GFRA1: variants seen among roughly 807,000 people sequenced by gnomAD.
The protein encoded by GFRA1 is GDNF family receptor alpha-1.
A neutral mutation model predicts 51.6 loss-of-function variants in GFRA1; 16 were observed. The ratio of observed to expected loss-of-function variants is 0.31; its 90% CI spans 0.21 to 0.47. The LOEUF is 0.47. Among genes scored for constraint, GFRA1 ranks in the 20% least tolerant of loss-of-function variants. The pLI, the probability that GFRA1 is intolerant of heterozygous loss-of-function variation, is 1.00. For synonymous variants in GFRA1, 270 were observed against 241.3 expected (o/e 1.12, Z -1.10); for missense variants, 530 against 594.3 (o/e 0.89, Z 1.13).
chr10:116,272,423 G>A lies in GFRA1; in HGVS notation c.-246-148C>T. The A allele has an allele frequency of 3.0e-6, 1 of 328,348 alleles. No homozygotes were observed. Among genetic ancestry groups the A allele is most frequent in the Non-Finnish European group, 5.8e-6 (1 of 172,286 alleles). 20.3% of individuals were successfully genotyped at this position (328,348 alleles called of 1,614,324 possible). ...CCCACCCAGGTCGGGGTGCATGTGC[G>A]TGTTTTCCAGGGGCCGCTGACACGG... is the stretch of plus-strand genomic sequence containing the variant. On this transcript the variant is annotated intron_variant, in intron 1 of 10. Coordinates refer to ENST00000355422, the MANE Select transcript of GFRA1 (RefSeq NM_005264.8). This position sits in a 1 kb window ranked among gnomAD's most constrained non-coding sequence, Gnocchi z 4.4.
intron 9 of GFRA1, among the ~76,000 whole-genome samples, chr10:116,070,759 CTTTTTTTTTTTTT>C (rs773344299): frequency 1.0e-5 from 1 of 97,750 alleles, no homozygotes; most frequent in Non-Finnish European, 2.0e-5. Context: ...AGTCTGGAGC[CTTTTTTTTTTTTT>C]TTTTTTTTTG....
intron 5 of GFRA1, among the ~76,000 whole-genome samples, chr10:116,168,570 G>A (rs918215699): frequency 1.6e-4 from 25 of 152,140 alleles, no homozygotes; most frequent in African/African-American, 5.8e-4. Context: ...GCCACAGGAG[G>A]AAGTATCATG....
chr10:116,228,478 C>G (rs1966460324), intron 4 of GFRA1, among the ~76,000 whole-genome samples: 1 of 152,146 alleles, frequency 6.6e-6, no homozygotes, highest in Admixed American at 6.5e-5. Context: ...GAAGAGGTTA[C>G]TTTACATGGC....
chr10:116,154,651 A>G (rs1959169323), intron 5 of GFRA1, among the ~76,000 whole-genome samples: 1 of 152,166 alleles, frequency 6.6e-6, no homozygotes, highest in Admixed American at 6.5e-5. Context: ...TCACTTTGTA[A>G]AACTGCATCT....
Position 116,163,898 on chromosome 10 carries a change from C to T in GFRA1, c.434-38341G>A, listed in dbSNP as rs897841008. Among the ~76,000 whole-genome samples, 5 of 152,312 alleles carry T rather than the reference C, an allele frequency of 3.3e-5. No homozygotes were observed. The South Asian group carries it at 8.3e-4, about 25-fold the overall frequency. ...GTTTGATCTGTCTGTCCCAGCACCA[C>T]GGAGATGTTAGACATGGGATGCCAC... On this transcript the variant is annotated intron_variant, in intron 5 of 10. Coordinates refer to ENST00000355422, the MANE Select transcript of GFRA1 (RefSeq NM_005264.8).
chr10:116,222,840 G>A (rs147567369), intron 4 of GFRA1, among the ~76,000 whole-genome samples: 1 of 151,866 alleles, frequency 6.6e-6, no homozygotes, highest in Non-Finnish European at 1.5e-5. Flanking sequence ...AACCAACCAC[G>A]GATTGAAAAT....
intron 5 of GFRA1, among the ~76,000 whole-genome samples, chr10:116,198,108 G>A (rs994207924): frequency 6.6e-6 from 1 of 152,094 alleles, no homozygotes; most frequent in Non-Finnish European, 1.5e-5. Flanking sequence ...AAAGAGAGTG[G>A]GTGGTCCAAG....
chr10:116,175,464 A>C (rs1321764850), intron 5 of GFRA1, among the ~76,000 whole-genome samples: 3 of 152,218 alleles, frequency 2.0e-5, no homozygotes, highest in African/African-American at 7.2e-5. Context: ...ATGTTAGATT[A>C]CCATGCATAG....
At chr10:116,115,898 G>C (rs1342398350) in intron 6 of GFRA1, among the ~76,000 whole-genome samples, 1 of 152,160 alleles carries the variant, frequency 6.6e-6, no homozygotes, top group Non-Finnish European at 1.5e-5. Context: ...TCTTTGAAGA[G>C]AGACAAGCTG....
intron 5 of GFRA1, among the ~76,000 whole-genome samples, chr10:116,147,309 G>C (rs187096134): frequency 4.6e-5 from 7 of 152,278 alleles, no homozygotes; most frequent in Non-Finnish European, 7.4e-5. Context: ...GCCCTAGGGG[G>C]AGGGGAGTAG....
chr10:116,112,840 G>A (rs1014211926), intron 6 of GFRA1, among the ~76,000 whole-genome samples: 8 of 152,194 alleles, frequency 5.3e-5, no homozygotes, highest in African/African-American at 1.2e-4. Flanking sequence ...GGCTGGGGCA[G>A]ACATCCCACA....
chr10:116,107,991 G>A (rs986065649), intron 6 of GFRA1, among the ~76,000 whole-genome samples: 3 of 151,880 alleles, frequency 2.0e-5, no homozygotes, highest in South Asian at 2.1e-4. Flanking sequence ...CCCAAGTTCC[G>A]TGCCTTGGAA....
rs1181227311 is a variant in GFRA1 at position 116,236,747 on chromosome 10, G to C, written c.419-25102C>G. 3.3e-5 allele frequency among the ~76,000 whole-genome samples: 5 copies of C among 152,152 alleles called. No individual in the cohort carries two copies. In the East Asian group the frequency reaches 9.6e-4, roughly 29 times the overall value. Reference sequence around the variant, plus strand: ...AAGATTTCCTGTCTTCCCCCCAAAAGCTGGGGTACAACCTCATCTGGGCTC... The same window carrying C: ...AAGATTTCCTGTCTTCCCCCCAAAACCTGGGGTACAACCTCATCTGGGCTC... On this transcript the variant is annotated intron_variant, in intron 4 of 10. Transcript: ENST00000355422.
At chr10:116,108,057 G>C (rs533286059) in intron 6 of GFRA1, among the ~76,000 whole-genome samples, 1 of 152,180 alleles carries the variant, frequency 6.6e-6, no homozygotes. Context: ...CCCTGGGAGG[G>C]GGTGGGGAAA....
intron 5 of GFRA1, among the ~76,000 whole-genome samples, chr10:116,188,596 C>T (rs189529042): frequency 2.6e-5 from 4 of 152,162 alleles, no homozygotes; most frequent in Admixed American, 1.3e-4. Context: ...TGTCCACTCA[C>T]GAGCGTATTA....
At chr10:116,077,309 G>A (rs1955660968) in intron 9 of GFRA1, among the ~76,000 whole-genome samples, 1 of 152,070 alleles carries the variant, frequency 6.6e-6, no homozygotes, top group Admixed American at 6.6e-5. Flanking sequence ...TAATTGAGAG[G>A]GCATCTGGCT....
chr10:116,233,036 G>A (rs1418289735), intron 4 of GFRA1, among the ~76,000 whole-genome samples: 1 of 152,094 alleles, frequency 6.6e-6, no homozygotes, highest in Non-Finnish European at 1.5e-5. Context: ...TATTTAAAAG[G>A]TATGTTTGGG....
At chr10:116,198,256 C>T (rs1200806335) in intron 5 of GFRA1, among the ~76,000 whole-genome samples, 2 of 152,158 alleles carry the variant, frequency 1.3e-5, no homozygotes, top group East Asian at 3.9e-4. Context: ...AGGTCCCAAA[C>T]CTCCACGCTG....
chr10:116,077,010 C>T (rs1955645389), intron 9 of GFRA1, among the ~76,000 whole-genome samples: 1 of 152,122 alleles, frequency 6.6e-6, no homozygotes, highest in South Asian at 2.1e-4. Context: ...TTCTGCCATT[C>T]ACTTTATAGA....
Sources: allele counts gnomAD v4.1 joint callset (sites outside exome capture counted in the v4.1 genomes callset), GRCh38; gene constraint gnomAD v4.1.1; non-coding constraint Gnocchi (gnomAD v3.1); transcripts MANE v1.5; gene names NCBI Gene and HGNC (gene_info 2026-07-23, HGNC 2026-07-21).